The following GPC5 variants were observed in gnomAD, a reference collection of about 807,000 sequenced individuals.
GPC5 encodes glypican-5.
A neutral mutation model predicts 53.9 loss-of-function variants in GPC5; 47 were observed. That is an observed-to-expected ratio of 0.87 (90% CI 0.69 to 1.11). The LOEUF (loss-of-function observed/expected upper bound fraction) is 1.11. Ranked by LOEUF, GPC5 falls within the 50% of genes most tolerant of loss-of-function variation. The pLI is 0.00. For synonymous variants in GPC5, 286 were observed against 263.3 expected, an observed-to-expected ratio of 1.09 and a Z score of -0.84; for missense variants, 748 against 713.1, an observed-to-expected ratio of 1.05 and a Z score of -0.56.
intron 6 of GPC5, among the ~76,000 whole-genome samples, chr13:92,049,651 C>A (rs1459584732): frequency 6.6e-6 from 1 of 152,012 alleles, no homozygotes; most frequent in African/African-American, 2.4e-5. Flanking sequence ...TAGTATTATG[C>A]AAATTAATAT....
In GPC5 at chr13:91,989,750, AATTAT is replaced by A. The variant is rs1055968826; in HGVS notation, c.1401+81699_1401+81703del. 5.3e-5 allele frequency among the ~76,000 whole-genome samples: 8 copies of A among 152,314 alleles called. No individual in the cohort carries two copies. The East Asian group carries it at 1.3e-3, about 26-fold the overall frequency. The stretch of plus-strand genomic sequence containing the variant: ...TAGCATGCAATTACTATTTTGCAAG[AATTAT>A]ATTATCACCAATACACAATAATTAC... On this transcript the variant is annotated intron_variant, in intron 6 of 7. Transcript: ENST00000377067.
intron 4 of GPC5, among the ~76,000 whole-genome samples, chr13:91,730,455 C>T (rs533414109): frequency 5.3e-5 from 8 of 152,232 alleles, no homozygotes; most frequent in African/African-American, 1.7e-4. Context: ...TACTTCTATT[C>T]GAGCCTAGTC....
chr13:91,661,452 G>A (rs2034987023), intron 2 of GPC5, among the ~76,000 whole-genome samples: 1 of 152,192 alleles, frequency 6.6e-6, no homozygotes, highest in African/African-American at 2.4e-5. Context: ...ATTGGGGGCA[G>A]GTTCCTCTGT....
intron 3 of GPC5, among the ~76,000 whole-genome samples, chr13:91,718,049 T>A (rs527806291): frequency 6.6e-6 from 1 of 152,338 alleles, no homozygotes; most frequent in African/African-American, 2.4e-5. Flanking sequence ...GGTCAAATTT[T>A]GATTTTACAT....
intron 7 of GPC5, among the ~76,000 whole-genome samples, chr13:92,730,222 G>A (rs562430648): frequency 6.6e-6 from 1 of 151,420 alleles, no homozygotes; most frequent in East Asian, 1.9e-4. Flanking sequence ...GCAGTTTTAA[G>A]TTTAGAGAGA....
At chr13:91,783,920 GAGACGGTTAGTATAA>G (rs1387782308) in intron 5 of GPC5, among the ~76,000 whole-genome samples, 1 of 152,154 alleles carries the variant, frequency 6.6e-6, no homozygotes, top group Non-Finnish European at 1.5e-5. Context: ...TTACCAATGA[GAGACGGTTAGTATAA>G]AGGTCCCAAA....
chr13:92,071,997 A>G (rs2041215436), intron 6 of GPC5, among the ~76,000 whole-genome samples: 1 of 146,142 alleles, frequency 6.8e-6, no homozygotes, highest in Non-Finnish European at 1.5e-5. Flanking sequence ...TATTATTTAT[A>G]TGTATTGATA....
intron 7 of GPC5, among the ~76,000 whole-genome samples, chr13:92,404,157 A>T (rs1263237404): frequency 6.6e-6 from 1 of 152,192 alleles, no homozygotes; most frequent in Admixed American, 6.5e-5. Flanking sequence ...TTAAACAGAA[A>T]ATGTTTTCAG....
intron 6 of GPC5, among the ~76,000 whole-genome samples, chr13:92,004,338 A>G (rs1352978349): frequency 6.6e-6 from 1 of 150,416 alleles, no homozygotes; most frequent in Non-Finnish European, 1.5e-5. Flanking sequence ...CCAGCTACTC[A>G]GGAGGCTGAG....
intron 6 of GPC5, among the ~76,000 whole-genome samples, chr13:92,054,805 A>G (rs2138843822): frequency 6.6e-6 from 1 of 151,514 alleles, no homozygotes; most frequent in Admixed American, 6.6e-5. Flanking sequence ...GCTATTTAAC[A>G]TCACCTCAAT....
Position 91,898,838 on chromosome 13 carries a change from G to GA in GPC5, c.1281-9090dup, listed in dbSNP as rs573161079. On this transcript the variant is annotated intron_variant, in intron 5 of 7. Transcript: ENST00000377067. ...ATAAAATAAGAGAACTGATTGCTAA[G>GA]AAAAAAAAATTCAGTTAAAATATCT... is the stretch of plus-strand genomic sequence containing the variant. Among the ~76,000 whole-genome samples the GA allele has an allele frequency of 1.1e-3, 169 of 150,840 alleles. 6 individuals carry two copies. In the South Asian group the frequency reaches 0.032, roughly 29 times the overall value.
chr13:92,280,594 T>C (rs1347640075), intron 7 of GPC5, among the ~76,000 whole-genome samples: 9 of 152,330 alleles, frequency 5.9e-5, no homozygotes, highest in Non-Finnish European at 1.0e-4. Flanking sequence ...TTTGATCTTA[T>C]TATGAACTAA....
intron 7 of GPC5, among the ~76,000 whole-genome samples, chr13:92,372,838 C>A (rs1273789482): frequency 6.6e-6 from 1 of 152,176 alleles, no homozygotes; most frequent in East Asian, 1.9e-4. Flanking sequence ...GCTATCTGAA[C>A]TGGGTGAACT....
At chr13:91,788,477 G>GA (rs1402410363) in intron 5 of GPC5, among the ~76,000 whole-genome samples, 1 of 152,100 alleles carries the variant, frequency 6.6e-6, no homozygotes. Flanking sequence ...ATAAGAAACA[G>GA]AAAAAATATT....
chr13:91,637,285 T>C (rs1230856193), intron 2 of GPC5, among the ~76,000 whole-genome samples: 1 of 152,202 alleles, frequency 6.6e-6, no homozygotes, highest in Non-Finnish European at 1.5e-5. Flanking sequence ...TCTCATGAAG[T>C]GTACTTACAT....
At chr13:92,212,351 G>A (rs2042381441) in intron 7 of GPC5, among the ~76,000 whole-genome samples, 1 of 152,094 alleles carries the variant, frequency 6.6e-6, no homozygotes, top group Non-Finnish European at 1.5e-5. Flanking sequence ...TGAAGTATGA[G>A]TATTTTTATT....
intron 2 of GPC5, among the ~76,000 whole-genome samples, chr13:91,598,200 G>GT (rs1488453632): frequency 2.0e-5 from 3 of 151,902 alleles, no homozygotes; most frequent in Non-Finnish European, 4.4e-5. Flanking sequence ...TGCCAAGGCT[G>GT]TTGCTCTTCT....
chr13:92,685,243 C>T (rs1362407010), intron 7 of GPC5, among the ~76,000 whole-genome samples: 1 of 152,054 alleles, frequency 6.6e-6, no homozygotes, highest in Non-Finnish European at 1.5e-5. Context: ...CAGGCACCCA[C>T]CACCATGCCC....
chr13:92,615,950 A>G (rs1884673091), intron 7 of GPC5, among the ~76,000 whole-genome samples: 1 of 152,084 alleles, frequency 6.6e-6, no homozygotes, highest in South Asian at 2.1e-4. Flanking sequence ...GCTACTTGGG[A>G]GGCTGAGGCA....
Sources: gnomAD v4.1 joint callset for allele counts (sites outside exome capture counted in the v4.1 genomes callset) on GRCh38, gnomAD v4.1.1 for gene constraint, MANE v1.5 for transcripts, NCBI Gene and HGNC (gene_info 2026-07-23, HGNC 2026-07-21) for gene names.